AFF2: variants seen among roughly 807,000 people sequenced by gnomAD.
The protein encoded by AFF2 is ALF transcription elongation factor 2, also known as AF4/FMR2 family member 2.
AFF2 carries 14 observed loss-of-function variants against 76.9 expected under a neutral mutation model. That is an observed-to-expected ratio of 0.18 (90% CI 0.12 to 0.28). The LOEUF is 0.28. AFF2 is among the 10% of genes least tolerant of loss of function. The pLI is 1.00. For missense variants in AFF2, 868 were observed against 1,001.1 expected (o/e 0.87, Z 1.79); for synonymous variants, 398 against 366.7 (o/e 1.09, Z -0.98).
chrX:148,671,819 A>T (rs1204162335), intron 3 of AFF2, among the ~76,000 whole-genome samples: 12 of 110,196 alleles, frequency 1.1e-4, no homozygotes, highest in Admixed American at 9.7e-4. Context: ...TTTACCAGAA[A>T]GTACCAAACT....
At chrX:148,946,846 C>T (rs181109232) in intron 9 of AFF2, among the ~76,000 whole-genome samples, 75 of 111,917 alleles carry the variant, frequency 6.7e-4, no homozygotes, top group African/African-American at 2.4e-3. Context: ...TAAGGATCCC[C>T]GTGATTACAC....
rs781817593 is a variant in AFF2 at position 148,966,915 on chromosome X, G to A, written c.3039G>A (p.Thr1013=). 28 of 1,208,402 alleles carry A rather than the reference G, an allele frequency of 2.3e-5. No homozygotes were observed. Among genetic ancestry groups the A allele is most frequent in the Non-Finnish European group, 2.5e-5 (22 of 894,875 alleles). ...CTGTCACAGCTACTGCCACCGCCACGGCCACCACCACAACTACTACCACTA... is the reference window on the plus strand; with the variant it reads ...CTGTCACAGCTACTGCCACCGCCACAGCCACCACCACAACTACTACCACTA... ...TTTVTATATA[T]ATTTTTTTTI... The change falls in exon 14 of 21, where the codon ACG becomes ACA. Residue 1013 remains threonine, a synonymous_variant. Transcript: ENST00000370460.
chrX:148,698,880 G>C (rs982680161), intron 3 of AFF2, among the ~76,000 whole-genome samples: 18 of 105,913 alleles, frequency 1.7e-4, no homozygotes, highest in African/African-American at 5.8e-4. Flanking sequence ...TAATACCAGG[G>C]TAAGCAGACA....
At position 148,799,846 on chromosome X, in the gene AFF2, GT is replaced by G. The variant is rs782773817; in HGVS notation, c.1042-10029del. On this transcript the variant is annotated intron_variant, in intron 3 of 20. Transcript: ENST00000370460. ...CAGTTACTTCTGTGTTTCAATCTCAGTGTTGTTTCTTAACATTTTTTTTTTA... is the reference window on the plus strand; with the variant it reads ...CAGTTACTTCTGTGTTTCAATCTCAGGTTGTTTCTTAACATTTTTTTTTTA... 4.8e-3 allele frequency among the ~76,000 whole-genome samples: 541 copies of G among 111,935 alleles called. 13 individuals are homozygous for G. Among genetic ancestry groups the G allele is most frequent in the Non-Finnish European group, 5.6e-3 (295 of 53,150 alleles).
chrX:148,987,638 G>A, intron 20 of AFF2, 81 bp downstream of exon 20: 1 of 884,090 alleles, frequency 1.1e-6, no homozygotes, highest in Non-Finnish European at 1.6e-6. Flanking sequence ...GTTGTACTTG[G>A]TGGCCTTATA....
chrX:148,837,302 A>G (rs2070538683), intron 4 of AFF2, among the ~76,000 whole-genome samples: 1 of 112,178 alleles, frequency 8.9e-6, no homozygotes, highest in Non-Finnish European at 1.9e-5. Context: ...CCAACAACTG[A>G]AGGCTTGTCA....
At chrX:148,835,430 A>G (rs1304102353) in intron 4 of AFF2, among the ~76,000 whole-genome samples, 1 of 110,326 alleles carries the variant, frequency 9.1e-6, no homozygotes, top group Non-Finnish European at 1.9e-5. Context: ...TGATATGTAT[A>G]TACATTGTGG....
intron 1 of AFF2, among the ~76,000 whole-genome samples, chrX:148,551,357 A>T (rs2052987795): frequency 9.2e-6 from 1 of 109,155 alleles, no homozygotes; most frequent in Admixed American, 9.9e-5. Flanking sequence ...GAGATTTCTT[A>T]TATGTTTAGG....
At chrX:148,939,750 A>G (rs1218533098) in intron 9 of AFF2, among the ~76,000 whole-genome samples, 2 of 112,051 alleles carry the variant, frequency 1.8e-5, no homozygotes, top group African/African-American at 6.5e-5. Flanking sequence ...TCTTGGTATT[A>G]GCCATCTTGG....
intron 3 of AFF2, among the ~76,000 whole-genome samples, chrX:148,718,123 G>T (rs2124537357): frequency 9.1e-6 from 1 of 110,095 alleles, no homozygotes; most frequent in East Asian, 2.9e-4. Flanking sequence ...GAAAGGTTAA[G>T]GTTCCCAACA....
At chrX:148,917,088 G>T (rs1290969342) in intron 9 of AFF2, among the ~76,000 whole-genome samples, 2 of 112,379 alleles carry the variant, frequency 1.8e-5, no homozygotes, top group Admixed American at 1.9e-4. Flanking sequence ...ATTTGCTTTT[G>T]TTGGAAAGGA....
In AFF2 at chrX:148,942,599, G is replaced by A. The variant is rs1024315762; in HGVS notation, c.1398-10981G>A. On this transcript the variant is annotated intron_variant, in intron 9 of 20. Coordinates refer to ENST00000370460, the MANE Select transcript of AFF2 (RefSeq NM_002025.4). ...TGGGAGGCCAAGGTGGGTGAATCAC[G>A]AGGTCAGGAGTTCGAGACCAGCCTT... Among the ~76,000 whole-genome samples the A allele has an allele frequency of 7.2e-5, 8 of 110,692 alleles. No homozygotes were observed. In the Admixed American group the frequency reaches 7.7e-4, roughly 11 times the overall value.
intron 3 of AFF2, among the ~76,000 whole-genome samples, chrX:148,709,254 CTGCCT>C (rs1428243487): frequency 9.0e-6 from 1 of 111,647 alleles, no homozygotes; most frequent in Non-Finnish European, 1.9e-5. Context: ...TTTGGATTGA[CTGCCT>C]TGCCAAATGT....
chrX:148,701,301 C>T (rs782313123), intron 3 of AFF2, among the ~76,000 whole-genome samples: 2 of 111,428 alleles, frequency 1.8e-5, no homozygotes, highest in Non-Finnish European at 3.8e-5. Context: ...TCTCTCAACG[C>T]CTGGTGGAAC....
At chrX:148,593,925 T>C (rs781828117) in intron 1 of AFF2, among the ~76,000 whole-genome samples, 2 of 110,968 alleles carry the variant, frequency 1.8e-5, no homozygotes, top group Admixed American at 1.9e-4. Context: ...TACTCCAGAG[T>C]CCAAGCTTTT....
chrX:148,903,208 C>T (rs1175713424), intron 8 of AFF2, among the ~76,000 whole-genome samples: 2 of 111,256 alleles, frequency 1.8e-5, no homozygotes, highest in African/African-American at 3.3e-5. Flanking sequence ...TCAAACATAA[C>T]GTCTATAGCC....
At chrX:148,502,867 C>A (rs1239022706) in intron 1 of AFF2, among the ~76,000 whole-genome samples, 1 of 112,446 alleles carries the variant, frequency 8.9e-6, no homozygotes, top group African/African-American at 3.2e-5. Context: ...TAATCTTATG[C>A]ATATGCAATT....
At position 148,500,961 on chromosome X, in the gene AFF2, G is replaced by A. The variant is rs1255525897; in HGVS notation, c.-137G>A. 3.9e-6 allele frequency: 3 copies of A among 773,161 alleles called. No individual in the cohort carries two copies. The East Asian group carries it at 1.1e-4, about 28-fold the overall frequency. The allele number at this position is 773,161 out of a possible 1,213,427, so 63.7% of individuals were successfully genotyped here. A position where few individuals can be genotyped will look rare whatever the true frequency, so the allele number is the denominator to read the frequency against. ...CAGCGCCCGCTGCTGCTGCCGATGC[G>A]GCCCGGACACTTTTAGCTGGGCGGG... On this transcript the variant is annotated 5_prime_UTR_variant, in exon 1 of 21. Coordinates refer to ENST00000370460, the MANE Select transcript of AFF2 (RefSeq NM_002025.4).
At chrX:148,523,203 T>C (rs2052620172) in intron 1 of AFF2, among the ~76,000 whole-genome samples, 1 of 112,358 alleles carries the variant, frequency 8.9e-6, no homozygotes, top group Non-Finnish European at 1.9e-5. Context: ...TAGATCCAGG[T>C]CCTGTATATG....
Sources: allele counts gnomAD v4.1 joint callset (sites outside exome capture counted in the v4.1 genomes callset), GRCh38; gene constraint gnomAD v4.1.1; transcripts MANE v1.5; gene names NCBI Gene and HGNC (gene_info 2026-07-23, HGNC 2026-07-21).